Variants in MACROD2 observed in about 807,000 individuals in gnomAD.
MACROD2 encodes ADP-ribose glycohydrolase MACROD2.
In MACROD2, 36 loss-of-function variants were observed where a neutral mutation model predicts 70.4. That is an observed-to-expected ratio of 0.51 (90% confidence interval 0.39 to 0.68). MACROD2 has a LOEUF of 0.68. MACROD2 is among the 30% of genes least tolerant of loss of function. The pLI is 0.00. For missense variants in MACROD2, 496 were observed against 538.4 expected, an observed-to-expected ratio of 0.92 and a Z score of 0.78; for synonymous variants, 172 against 178.8, an observed-to-expected ratio of 0.96 and a Z score of 0.30.
chr20:15,103,159 G>A (rs1241075163), intron 5 of MACROD2, among the ~76,000 whole-genome samples: 1 of 152,062 alleles, frequency 6.6e-6, no homozygotes, highest in African/African-American at 2.4e-5. Flanking sequence ...AAACAAAACA[G>A]AGGAATTATT....
chr20:14,115,054 G>A (rs2054497537), intron 3 of MACROD2, among the ~76,000 whole-genome samples: 1 of 152,044 alleles, frequency 6.6e-6, no homozygotes, highest in Non-Finnish European at 1.5e-5. Flanking sequence ...TCCAGTACTA[G>A]CCCTTGGGAA....
chr20:14,413,875 G>A (rs540276197), intron 3 of MACROD2, among the ~76,000 whole-genome samples: 14 of 138,806 alleles, frequency 1.0e-4, no homozygotes, highest in South Asian at 7.6e-4. Context: ...CTCTTGGTGT[G>A]AATGCAACAT....
At chr20:15,918,958 A>T (rs575631392) in intron 10 of MACROD2, among the ~76,000 whole-genome samples, 2 of 152,336 alleles carry the variant, frequency 1.3e-5, no homozygotes, top group East Asian at 3.9e-4. Flanking sequence ...ATATTAAATG[A>T]CTGACCCTGG....
chr20:15,704,888 T>C (rs371894564), intron 8 of MACROD2, among the ~76,000 whole-genome samples: 1 of 152,328 alleles, frequency 6.6e-6, no homozygotes, highest in East Asian at 1.9e-4. Context: ...TATACATGCA[T>C]GTATGTTTTA....
chr20:15,200,648 A>G (rs16995428), intron 5 of MACROD2, among the ~76,000 whole-genome samples: 11,774 of 152,262 alleles, frequency 0.077, 591 homozygotes, highest in Admixed American at 0.11. Flanking sequence ...GAAAGTTATA[A>G]AATGGCACAA....
At chr20:14,180,289 C>T (rs937586169) in intron 3 of MACROD2, among the ~76,000 whole-genome samples, 16 of 152,104 alleles carry the variant, frequency 1.1e-4, no homozygotes, top group Non-Finnish European at 1.6e-4. Context: ...ATATGACCCC[C>T]ACAGGTTTAA....
intron 6 of MACROD2, among the ~76,000 whole-genome samples, chr20:15,335,395 T>G (rs1458418043): frequency 6.6e-5 from 10 of 151,708 alleles, no homozygotes. Flanking sequence ...ATCAGATTTG[T>G]ATCTCTGTTG....
chr20:15,331,321 C>T (rs908316635), intron 6 of MACROD2, among the ~76,000 whole-genome samples: 9 of 151,508 alleles, frequency 5.9e-5, no homozygotes, highest in Non-Finnish European at 1.2e-4. Flanking sequence ...AATTTTTAAA[C>T]TTCTGTTATT....
chr20:14,621,703 C>G (rs1600467761), intron 4 of MACROD2: 1 of 152,156 alleles, frequency 6.6e-6, no homozygotes, highest in East Asian at 1.9e-4. Flanking sequence ...TGAGCTGTGG[C>G]TGTGTTTTGC....
intron 6 of MACROD2, among the ~76,000 whole-genome samples, chr20:15,242,611 G>A (rs1201863762): frequency 6.6e-6 from 1 of 152,050 alleles, no homozygotes; most frequent in Non-Finnish European, 1.5e-5. Context: ...AAATGTTTAG[G>A]AGTAGATTTA....
intron 8 of MACROD2, among the ~76,000 whole-genome samples, chr20:15,720,159 AT>A (rs2050767754): frequency 6.6e-6 from 1 of 152,150 alleles, no homozygotes; most frequent in Non-Finnish European, 1.5e-5. Flanking sequence ...ATAGTATTCT[AT>A]TGCATATATT....
chr20:15,963,549 CT>C (rs1282175888), intron 12 of MACROD2, among the ~76,000 whole-genome samples: 1 of 152,154 alleles, frequency 6.6e-6, no homozygotes, highest in East Asian at 1.9e-4. Context: ...CAAATCAAAT[CT>C]ACCTTAAGAA....
chr20:14,400,152 T>A (rs1178010862), intron 3 of MACROD2, among the ~76,000 whole-genome samples: 1 of 152,228 alleles, frequency 6.6e-6, no homozygotes, highest in Non-Finnish European at 1.5e-5. Flanking sequence ...TATTGGGTGC[T>A]AAATATTTTT....
At chr20:14,485,701 C>CAAAA (rs1276490399) in intron 3 of MACROD2, among the ~76,000 whole-genome samples, 22 of 61,750 alleles carry the variant, frequency 3.6e-4, no homozygotes, top group African/African-American at 9.3e-4. Flanking sequence ...GACTCCGTCT[C>CAAAA]AAAAAAAAAA....
At chr20:15,301,671 A>G (rs1019156512) in intron 6 of MACROD2, among the ~76,000 whole-genome samples, 2 of 144,304 alleles carry the variant, frequency 1.4e-5, no homozygotes, top group South Asian at 2.2e-4. Flanking sequence ...GCCTCAAGCA[A>G]TCCTCCTGCC....
At chr20:14,655,319 CTGTGTGTGTG>C (rs11470954) in intron 4 of MACROD2, among the ~76,000 whole-genome samples, 64 of 141,704 alleles carry the variant, frequency 4.5e-4, no homozygotes, top group South Asian at 2.0e-3. Context: ...AAAGTGGACA[CTGTGTGTGTG>C]TGTGTGTGTG....
intron 6 of MACROD2, among the ~76,000 whole-genome samples, chr20:15,252,896 C>T (rs1052026411): frequency 1.3e-5 from 2 of 152,198 alleles, no homozygotes; most frequent in East Asian, 1.9e-4. Context: ...TGGCTTGCAT[C>T]ATGGCATCAC....
chr20:14,770,610 T>C (rs973545776), intron 5 of MACROD2, among the ~76,000 whole-genome samples: 1 of 152,116 alleles, frequency 6.6e-6, no homozygotes, highest in Non-Finnish European at 1.5e-5. Context: ...TATGATGATG[T>C]CTGTATCACA....
intron 5 of MACROD2, among the ~76,000 whole-genome samples, chr20:14,983,393 T>G (rs2074819447): frequency 6.6e-6 from 1 of 151,414 alleles, no homozygotes; most frequent in Non-Finnish European, 1.5e-5. Context: ...ACATGAGAAT[T>G]GGGAAGGGCC....
Sources: allele counts gnomAD v4.1 joint callset (sites outside exome capture counted in the v4.1 genomes callset), GRCh38; gene constraint gnomAD v4.1.1; transcripts MANE v1.5; gene names NCBI Gene and HGNC (gene_info 2026-07-23, HGNC 2026-07-21).